CLVS1: variants seen among roughly 807,000 people sequenced by gnomAD.
The protein encoded by CLVS1 is clavesin 1.
CLVS1 carries 10 observed loss-of-function variants against 33.1 expected under a neutral mutation model. The observed-to-expected ratio is 0.30, with a 90% CI of 0.19 to 0.51. CLVS1 has a LOEUF of 0.51. Among genes scored for constraint, CLVS1 ranks in the 20% least tolerant of loss-of-function variants. The probability of loss-of-function intolerance (pLI) is 0.97; values close to 1 mark genes in which losing one functional copy is unlikely to be tolerated. For synonymous variants in CLVS1, 163 were observed against 166.1 expected, an observed-to-expected ratio of 0.98 and a Z score of 0.14; for missense variants, 343 against 433.4, an observed-to-expected ratio of 0.79 and a Z score of 1.85.
chr8:61,402,998 C>T (rs1371914551), intron 3 of CLVS1, among the ~76,000 whole-genome samples: 1 of 151,990 alleles, frequency 6.6e-6, no homozygotes, highest in Non-Finnish European at 1.5e-5. Context: ...ATGATAAGTA[C>T]TATTAAAAAA....
At chr8:61,332,495 A>G (rs764644145) in intron 2 of CLVS1, among the ~76,000 whole-genome samples, 6 of 152,144 alleles carry the variant, frequency 3.9e-5, no homozygotes, top group Non-Finnish European at 7.3e-5. Flanking sequence ...CTATTTGTCT[A>G]TCAGCTTGCC....
At chr8:61,471,018 C>T (rs924141649) in intron 5 of CLVS1, among the ~76,000 whole-genome samples, 5 of 152,232 alleles carry the variant, frequency 3.3e-5, no homozygotes, top group Admixed American at 3.3e-4. Flanking sequence ...GCCTCCAGGG[C>T]TCCACGTACA....
chr8:61,265,851 C>T (rs775331614), intron 2 of CLVS1, among the ~76,000 whole-genome samples: 1 of 152,188 alleles, frequency 6.6e-6, no homozygotes, highest in South Asian at 2.1e-4. Context: ...AATGAGCTAG[C>T]ATGCCATGAT....
intron 2 of CLVS1, among the ~76,000 whole-genome samples, chr8:61,353,173 T>A (rs922358253): frequency 1.3e-5 from 2 of 152,022 alleles, no homozygotes; most frequent in African/African-American, 4.8e-5. Flanking sequence ...ACAGAAGATT[T>A]GAACAACGCA....
chr8:61,076,582 C>A (rs1804914999), intron 1 of CLVS1, among the ~76,000 whole-genome samples: 4 of 152,232 alleles, frequency 2.6e-5, no homozygotes, highest in Admixed American at 2.6e-4. Flanking sequence ...ATTGTCCTAT[C>A]TGCATGATAA....
intron 2 of CLVS1, among the ~76,000 whole-genome samples, chr8:61,318,736 C>G (rs1464033652): frequency 1.3e-5 from 2 of 152,062 alleles, no homozygotes; most frequent in Admixed American, 1.3e-4. Context: ...TACTCCAGTT[C>G]CCTAATTTTC....
At chr8:61,321,008 A>G (rs1443703576) in intron 2 of CLVS1, among the ~76,000 whole-genome samples, 2 of 152,220 alleles carry the variant, frequency 1.3e-5, no homozygotes, top group African/African-American at 2.4e-5. Context: ...AAACTATTGT[A>G]ATCAATTTTA....
chr8:61,390,214 A>G (rs1047171402), intron 3 of CLVS1, among the ~76,000 whole-genome samples: 9 of 152,218 alleles, frequency 5.9e-5, no homozygotes, highest in Admixed American at 3.9e-4. Context: ...AACATTTTAA[A>G]CCTGGGCATC....
At chr8:61,427,939 CT>C (rs1336174936) in intron 3 of CLVS1, among the ~76,000 whole-genome samples, 3 of 152,214 alleles carry the variant, frequency 2.0e-5, no homozygotes, top group African/African-American at 4.8e-5. Flanking sequence ...TCCTCCGCCC[CT>C]GGCACACAGA....
chr8:61,100,600 A>G (rs543353752), intron 1 of CLVS1, among the ~76,000 whole-genome samples: 2 of 152,320 alleles, frequency 1.3e-5, no homozygotes, highest in East Asian at 3.9e-4. Flanking sequence ...CCATTTAAGT[A>G]TATAATCAAT....
chr8:61,461,960 A>G (rs570029639), intron 5 of CLVS1, among the ~76,000 whole-genome samples: 48 of 152,280 alleles, frequency 3.2e-4, no homozygotes, highest in African/African-American at 1.2e-3. Context: ...TTTCCTCAAC[A>G]TTCATAGTTA....
At chr8:61,150,228 C>T (rs1806501505) in intron 2 of CLVS1, among the ~76,000 whole-genome samples, 1 of 151,834 alleles carries the variant, frequency 6.6e-6, no homozygotes, top group African/African-American at 2.4e-5. Context: ...TTCCCACATT[C>T]CAGTTTTGCT....
chr8:61,345,397 C>T (rs554822199), intron 2 of CLVS1, among the ~76,000 whole-genome samples: 156 of 152,236 alleles, frequency 1.0e-3, no homozygotes, highest in Non-Finnish European at 1.8e-3. Context: ...AATCCCAATA[C>T]GACAAGTGCA....
At chr8:61,472,547 T>C (rs1817769274) in intron 5 of CLVS1, among the ~76,000 whole-genome samples, 1 of 152,218 alleles carries the variant, frequency 6.6e-6, no homozygotes, top group Admixed American at 6.5e-5. Flanking sequence ...TTGTAATCAA[T>C]GTTTCATTAG....
intron 1 of CLVS1, among the ~76,000 whole-genome samples, chr8:61,297,083 G>A (rs1288320595): frequency 3.9e-5 from 6 of 152,146 alleles, no homozygotes; most frequent in Non-Finnish European, 7.4e-5. Context: ...TTTTACCAAG[G>A]CACACAAAGG....
chr8:61,104,053 C>T (rs1260333244), intron 1 of CLVS1, among the ~76,000 whole-genome samples: 1 of 152,160 alleles, frequency 6.6e-6, no homozygotes, highest in Admixed American at 6.5e-5. Context: ...TTGCATGTTT[C>T]CTGTATTCAG....
At chr8:61,203,424 G>T (rs1384460870) in intron 2 of CLVS1, among the ~76,000 whole-genome samples, 1 of 152,042 alleles carries the variant, frequency 6.6e-6, no homozygotes, top group Admixed American at 6.6e-5. Context: ...TCCACCCTTT[G>T]CTTGGTTTTA....
the CLVS1 span, among the ~76,000 whole-genome samples, chr8:60,977,414 C>T: frequency 6.6e-6 from 1 of 152,032 alleles, no homozygotes; most frequent in East Asian, 1.9e-4. Flanking sequence ...TATGTGAAAT[C>T]AGTTAAAGAA....
At chr8:60,997,938 GTGTGTGTGTGTGTGTGTT>G in the CLVS1 span, among the ~76,000 whole-genome samples, 2 of 151,932 alleles carry the variant, frequency 1.3e-5, no homozygotes, top group Non-Finnish European at 2.9e-5. Context: ...AGGTGCTTGT[GTGTGTGTGTGTGTGTGTT>G]TGTGTGTATG....
Sources: allele counts gnomAD v4.1 joint callset (sites outside exome capture counted in the v4.1 genomes callset), GRCh38; gene constraint gnomAD v4.1.1; transcripts MANE v1.5; gene names NCBI Gene and HGNC (gene_info 2026-07-23, HGNC 2026-07-21).